BRWD1: variants seen among roughly 807,000 people sequenced by gnomAD.
BRWD1 encodes the protein bromodomain and WD repeat-containing protein 1.
A neutral mutation model predicts 251.2 loss-of-function variants in BRWD1; 82 were observed. The ratio of observed to expected loss-of-function variants is 0.33; its 90% confidence interval spans 0.27 to 0.39. The LOEUF is 0.39. BRWD1 is among the 10% of genes least tolerant of loss of function. The pLI is 1.00. For synonymous variants in BRWD1, 918 were observed against 902.8 expected, an observed-to-expected ratio of 1.02 and a Z score of -0.30; for missense variants, 2,233 against 2,711.6, an observed-to-expected ratio of 0.82 and a Z score of 3.92.
At chr21:39,296,900 A>G (rs2035975860) in intron 5 of BRWD1, 2 of 984,100 alleles carry the variant, frequency 2.0e-6, no homozygotes, top group African/African-American at 3.5e-5. Context: ...AAGTTCTTTG[A>G]TTTATATGAA....
At chr21:39,209,895 T>C (rs2146492449) in intron 36 of BRWD1, 100 bp downstream of exon 36, 1 of 1,208,438 alleles carries the variant, frequency 8.3e-7, no homozygotes, top group Non-Finnish European at 1.2e-6. Flanking sequence ...CTAACCTCTA[T>C]TACACAGTGG....
At chr21:39,214,837 G>A (rs1379861183) in intron 32 of BRWD1, among the ~76,000 whole-genome samples, 1 of 149,334 alleles carries the variant, frequency 6.7e-6, no homozygotes, top group African/African-American at 2.5e-5. Flanking sequence ...CATTAAAAAA[G>A]TATAGTTCTG....
chr21:39,294,754 CT>C (rs1444238713), intron 7 of BRWD1, among the ~76,000 whole-genome samples: 1 of 151,694 alleles, frequency 6.6e-6, no homozygotes, highest in African/African-American at 2.4e-5. Context: ...AGAAACAGGA[CT>C]AAGTGGCAAT....
Position 39,228,409 on chromosome 21 carries a change from AC to A in BRWD1, c.3208+90del, listed in dbSNP as rs1343061327. ...TTCTGGAATTTACATGTTTGTATAT[AC>A]TATAATTAAGAGTCCCACAGCCAAA... is the stretch of plus-strand genomic sequence containing the variant. On this transcript the variant is annotated intron_variant, in intron 27 of 40. Transcript: ENST00000342449. 2.0e-5 allele frequency: 16 copies of A among 800,286 alleles called. No individual in the cohort carries two copies. In the African/African-American group the frequency reaches 2.8e-4, roughly 14 times the overall value. 49.6% of individuals were successfully genotyped at this position (800,286 alleles called of 1,614,324 possible).
Position 39,312,910 on chromosome 21 carries a change from C to G in BRWD1, c.139-10G>C. The G allele has an allele frequency of 6.6e-7, 1 of 1,521,868 alleles. No individual in the cohort carries two copies. Among genetic ancestry groups the G allele is most frequent in the East Asian group, 2.7e-5 (1 of 37,230 alleles). The allele number at this position is 1,521,868 out of a possible 1,614,324, so 94.3% of individuals were successfully genotyped here. A position where few individuals can be genotyped will look rare whatever the true frequency, so the allele number is the denominator to read the frequency against. ...ATCTCTTCGGCAACAACTGGAAAGA[C>G]ACGAAACGCACACGAGTGACCACCC... On this transcript the variant is annotated splice_polypyrimidine_tract_variant and intron_variant, in intron 3 of 40. Transcript: ENST00000342449.
intron 21 of BRWD1, among the ~76,000 whole-genome samples, chr21:39,241,101 G>C (rs1279565861): frequency 1.3e-5 from 2 of 150,152 alleles, no homozygotes; most frequent in African/African-American, 4.9e-5. Context: ...TGTAGAGACA[G>C]CCTTCAGCCA....
At chr21:39,313,993 C>T (rs1333110738), upstream of BRWD1, 1 of 427,566 alleles carries the variant, frequency 2.3e-6, no homozygotes, top group African/African-American at 2.1e-5. Context: ...CCGCCGCCCC[C>T]CGTGGGACCT....
At position 39,200,267 on chromosome 21, in the gene BRWD1, T is replaced by A; in HGVS notation, c.4705A>T (p.Ser1569Cys). 4 of 1,614,094 alleles carry A rather than the reference T, an allele frequency of 2.5e-6. No individual in the cohort carries two copies. The highest frequency in any genetic ancestry group is 3.4e-6 in the Non-Finnish European group (4 of 1,179,974). Reference sequence around the variant, plus strand: ...GTTCTGGTTACCCTGAGATTGCTGCTTCTGGATAGCCCACTGCGTGAGGAG... The same window carrying A: ...GTTCTGGTTACCCTGAGATTGCTGCATCTGGATAGCCCACTGCGTGAGGAG... ...ESSSRSGLSRSSNLRVTRTRA... is the reference protein window; with the variant it reads ...ESSSRSGLSRCSNLRVTRTRA... Residue 1569 changes from serine (S) to cysteine (C), a missense_variant, in exon 39 of 41, where the codon AGC becomes TGC. Transcript: ENST00000342449.
intron 20 of BRWD1, among the ~76,000 whole-genome samples, chr21:39,249,682 G>T (rs1251912412): frequency 6.6e-6 from 1 of 152,082 alleles, no homozygotes; most frequent in East Asian, 1.9e-4. Flanking sequence ...ATTATCACTG[G>T]ATGATCTTAA....
rs2031272806 is a variant in BRWD1 at position 39,187,026 on chromosome 21, C to G, written c.*9233G>C. The G allele has an allele frequency of 6.4e-7, 1 of 1,554,714 alleles. No homozygotes were observed. Among genetic ancestry groups the G allele is most frequent in the African/African-American group, 1.4e-5 (1 of 72,406 alleles). ...TGCCACTTCTACATTCTCATAGTCACTATTGTGCATTTTCTTTCCAGGATC... is the reference window on the plus strand; with the variant it reads ...TGCCACTTCTACATTCTCATAGTCAGTATTGTGCATTTTCTTTCCAGGATC... On this transcript the variant is annotated 3_prime_UTR_variant, in exon 41 of 41. Coordinates refer to ENST00000342449, the MANE Select transcript of BRWD1 (RefSeq NM_033656.4).
Position 39,269,994 on chromosome 21 carries a change from A to C in BRWD1, c.1435T>G (p.Phe479Val), listed in dbSNP as rs1357758289. The C allele has an allele frequency of 4.4e-6, 7 of 1,594,702 alleles. No homozygotes were observed. Among genetic ancestry groups the C allele is most frequent in the Non-Finnish European group, 5.1e-6 (6 of 1,169,958 alleles). ...DEVFVLETHP[F>V]DSRIMLSAGH... ...GCAGATAACATAATTCTGGAATCAAAGGGATGTGTCTCCAGAACAAATACT... is the reference window on the plus strand; with the variant it reads ...GCAGATAACATAATTCTGGAATCAACGGGATGTGTCTCCAGAACAAATACT... Residue 479 changes from phenylalanine to valine, a missense_variant, in exon 15 of 41, where the codon TTT (phenylalanine) becomes GTT (valine). Around this residue, in one of 12 missense-constraint regions of BRWD1, gnomAD observed 315 missense variants for 421.8 expected, o/e 0.75. Coordinates refer to ENST00000342449, the MANE Select transcript of BRWD1 (RefSeq NM_033656.4).
At chr21:39,207,451 AACACACACAC>A (rs58765400) in intron 36 of BRWD1, among the ~76,000 whole-genome samples, 1 of 131,288 alleles carries the variant, frequency 7.6e-6, no homozygotes, top group East Asian at 2.1e-4. Context: ...AAAAAAAGAA[AACACACACAC>A]ACACACACAC....
rs576007046 is a variant in BRWD1, at chr21:39,307,498, T to C, written c.198+5343A>G. Reference sequence around the variant, plus strand: ...ATATTGCACATATTATATGTATATATACTTGTGTGAATACATTTGTACTTT... The same window carrying C: ...ATATTGCACATATTATATGTATATACACTTGTGTGAATACATTTGTACTTT... On this transcript the variant is annotated intron_variant, in intron 4 of 40. Coordinates refer to ENST00000342449, the MANE Select transcript of BRWD1 (RefSeq NM_033656.4). Among the ~76,000 whole-genome samples, 76 of 152,334 alleles carry C rather than the reference T, an allele frequency of 5.0e-4. 2 individuals carry two copies. In the South Asian group the frequency reaches 0.015, roughly 30 times the overall value.
chr21:39,249,469 T>C (rs2034317111), intron 20 of BRWD1, among the ~76,000 whole-genome samples: 1 of 117,878 alleles, frequency 8.5e-6, no homozygotes, highest in East Asian at 2.4e-4. Context: ...TATATTTTTA[T>C]CAAAACAGAA....
upstream of BRWD1, chr21:39,313,734 C>T: frequency 2.6e-6 from 1 of 389,088 alleles, no homozygotes. Flanking sequence ...GACCGGAGCT[C>T]GTGTCCCGCC....
At chr21:39,312,787 G>GC in intron 4 of BRWD1, 54 bp downstream of exon 4, 5 of 1,459,676 alleles carry the variant, frequency 3.4e-6, no homozygotes, top group African/African-American at 1.4e-5. Flanking sequence ...GGAAGGGGCG[G>GC]GGGCGGGGGG....
intron 23 of BRWD1, among the ~76,000 whole-genome samples, chr21:39,234,650 G>A (rs2033746172): frequency 6.6e-6 from 1 of 152,026 alleles, no homozygotes; most frequent in Non-Finnish European, 1.5e-5. Flanking sequence ...AATTTAAATG[G>A]GGCAAAAGAT....
In BRWD1 at chr21:39,312,838, C is replaced by T; in HGVS notation, c.198+3G>A. On this transcript the variant is annotated splice_donor_region_variant and intron_variant, in intron 4 of 40. Coordinates refer to ENST00000342449, the MANE Select transcript of BRWD1 (RefSeq NM_033656.4). ...CCGGGGAGCAAACGTGCCCAATGCT[C>T]ACCAACTCCTCGTAGCTCCTGTTGT... 1 of 1,593,034 alleles carries T rather than the reference C, an allele frequency of 6.3e-7. No individual in the cohort carries two copies.
At position 39,228,588 on chromosome 21, in the gene BRWD1, C is replaced by CA; in HGVS notation, c.3126-7dup. On this transcript the variant is annotated splice_region_variant and splice_polypyrimidine_tract_variant and intron_variant, in intron 26 of 40. Coordinates refer to ENST00000342449, the MANE Select transcript of BRWD1 (RefSeq NM_033656.4). ...CATCTGGCATATCATGATATCTAGA[C>CA]AAAAATTTAAAAAATTGTTAAACTC... The CA allele has an allele frequency of 1.9e-6, 3 of 1,592,494 alleles. No individual in the cohort carries two copies. Among genetic ancestry groups the CA allele is most frequent in the Non-Finnish European group, 2.6e-6 (3 of 1,161,384 alleles).
Sources: gnomAD v4.1 joint callset for allele counts (sites outside exome capture counted in the v4.1 genomes callset) on GRCh38, gnomAD v4.1.1 for gene constraint, gnomAD v4.1.1 regional missense constraint, MANE v1.5 for transcripts, NCBI Gene and HGNC (gene_info 2026-07-23, HGNC 2026-07-21) for gene names.